The following RFX3 variants were observed in gnomAD, a reference collection of about 807,000 sequenced individuals.
The protein encoded by RFX3 is regulatory factor X3.
RFX3 carries 14 observed loss-of-function variants against 98.6 expected under a neutral mutation model. The ratio of observed to expected loss-of-function variants is 0.14; its 90% CI spans 0.09 to 0.22. The LOEUF (loss-of-function observed/expected upper bound fraction) is 0.22, where lower values mean the gene tolerates loss of function less well. Ranked by LOEUF, RFX3 falls within the 10% of genes least tolerant of loss-of-function variation. The probability of loss-of-function intolerance (pLI) is 1.00; values close to 1 mark genes in which losing one functional copy is unlikely to be tolerated. For missense variants in RFX3, 639 were observed against 926.9 expected, an observed-to-expected ratio of 0.69 and a Z score of 4.03; for synonymous variants, 383 against 328.4, an observed-to-expected ratio of 1.17 and a Z score of -1.80.
intron 1 of RFX3, among the ~76,000 whole-genome samples, chr9:3,497,688 T>A (rs1204649710): frequency 2.7e-5 from 4 of 149,858 alleles, no homozygotes; most frequent in African/African-American, 1.0e-4. Context: ...CTGACAAACA[T>A]CTCTACCTCA....
intron 1 of RFX3, among the ~76,000 whole-genome samples, chr9:3,416,758 A>T (rs1843020846): frequency 1.3e-5 from 2 of 152,212 alleles, no homozygotes; most frequent in African/African-American, 4.8e-5. Flanking sequence ...GTCAATTAAC[A>T]ACATAAAATG....
chr9:3,525,926 A>AAG lies in RFX3; in HGVS notation c.-190_-189dup, dbSNP rs1189123449. ...AGGCAACGGTTGCTATAACTCACAA[A>AAG]AGAGAGAGAGAGAGGGAGAGAGAGA... On this transcript the variant is annotated 5_prime_UTR_variant, in exon 1 of 17. Transcript: ENST00000617270. The AAG allele has an allele frequency of 4.2e-4, 401 of 955,666 alleles. 1 individual carries two copies. Among genetic ancestry groups the AAG allele is most frequent in the Admixed American group, 2.7e-3 (43 of 15,846 alleles). 59.2% of individuals were successfully genotyped at this position (955,666 alleles called of 1,614,324 possible). A position where few individuals can be genotyped will look rare whatever the true frequency, so the allele number is the denominator to read the frequency against.
intron 2 of RFX3, among the ~76,000 whole-genome samples, chr9:3,378,689 TA>T (rs928729470): frequency 6.6e-6 from 1 of 151,578 alleles, no homozygotes. Context: ...CCCAAGTAGC[TA>T]GGGTTACAGG....
intron 4 of RFX3, among the ~76,000 whole-genome samples, chr9:3,305,962 A>T (rs1586962486): frequency 1.3e-5 from 2 of 152,142 alleles, no homozygotes; most frequent in Non-Finnish European, 2.9e-5. Flanking sequence ...AACTGGTAAG[A>T]TCACATGCTT....
chr9:3,467,305 A>AAT (rs1396713067), intron 1 of RFX3, among the ~76,000 whole-genome samples: 1 of 146,044 alleles, frequency 6.8e-6, no homozygotes, highest in Admixed American at 6.9e-5. Flanking sequence ...CACACACACA[A>AAT]ATATATATAT....
intron 11 of RFX3, among the ~76,000 whole-genome samples, chr9:3,268,210 G>A (rs1035478985): frequency 4.6e-5 from 7 of 151,710 alleles, no homozygotes; most frequent in African/African-American, 1.7e-4. Flanking sequence ...CATTAAATTA[G>A]TGTGATGTGC....
intron 2 of RFX3, among the ~76,000 whole-genome samples, chr9:3,356,165 G>GAAGC (rs1835732700): frequency 7.0e-6 from 1 of 143,160 alleles, no homozygotes. Flanking sequence ...TGGAAGGAAG[G>GAAGC]AAGGAAGGAA....
At chr9:3,508,416 ATAT>A (rs1421599979) in intron 1 of RFX3, among the ~76,000 whole-genome samples, 3 of 151,960 alleles carry the variant, frequency 2.0e-5, no homozygotes, top group African/African-American at 7.2e-5. Flanking sequence ...ATCTAAAAGT[ATAT>A]TATTTAGATC....
chr9:3,381,932 G>A (rs1245672450), intron 2 of RFX3, among the ~76,000 whole-genome samples: 1 of 151,952 alleles, frequency 6.6e-6, no homozygotes, highest in East Asian at 1.9e-4. Flanking sequence ...TTTTTTGTTT[G>A]TTTGTTTGTT....
intron 2 of RFX3, among the ~76,000 whole-genome samples, chr9:3,377,719 G>C (rs367763284): frequency 3.9e-5 from 6 of 152,090 alleles, no homozygotes. Flanking sequence ...GGAGAGGAAA[G>C]GTACTAATAA....
intron 1 of RFX3, among the ~76,000 whole-genome samples, chr9:3,402,455 T>G (rs886722096): frequency 1.3e-5 from 2 of 152,094 alleles, no homozygotes; most frequent in African/African-American, 4.8e-5. Flanking sequence ...GATAGTTACT[T>G]AATGGGTATA....
intron 1 of RFX3, among the ~76,000 whole-genome samples, chr9:3,443,166 C>A (rs1350083862): frequency 6.6e-6 from 1 of 152,168 alleles, no homozygotes; most frequent in Non-Finnish European, 1.5e-5. Context: ...AAAGAAACCA[C>A]TACACATCCA....
At chr9:3,348,656 G>T (rs542111674) in intron 2 of RFX3, among the ~76,000 whole-genome samples, 2 of 151,974 alleles carry the variant, frequency 1.3e-5, no homozygotes, top group Non-Finnish European at 2.9e-5. Context: ...TACTGAAAAT[G>T]ACTTTATCCC....
intron 14 of RFX3, among the ~76,000 whole-genome samples, chr9:3,256,043 T>C (rs1044336975): frequency 6.6e-6 from 1 of 152,154 alleles, no homozygotes; most frequent in African/African-American, 2.4e-5. Context: ...CTCGGCTCAC[T>C]GCAAGCTCCG....
intron 3 of RFX3, among the ~76,000 whole-genome samples, chr9:3,334,778 T>C (rs77104497): frequency 1.4e-4 from 21 of 152,110 alleles, no homozygotes; most frequent in African/African-American, 4.3e-4. Context: ...CAGTTGGAAA[T>C]GGGGGAGACT....
At chr9:3,475,092 CCT>C (rs1849112243) in intron 1 of RFX3, among the ~76,000 whole-genome samples, 2 of 141,614 alleles carry the variant, frequency 1.4e-5, no homozygotes, top group African/African-American at 5.9e-5. Context: ...AGAGCAAGAC[CCT>C]GTCTCCAAAA....
At chr9:3,383,740 C>A (rs900919505) in intron 2 of RFX3, among the ~76,000 whole-genome samples, 18 of 152,126 alleles carry the variant, frequency 1.2e-4, no homozygotes, top group African/African-American at 4.1e-4. Context: ...GATGTCAACA[C>A]AAGTTTTGTT....
chr9:3,448,767 A>C (rs1587708303), intron 1 of RFX3, among the ~76,000 whole-genome samples: 1 of 152,160 alleles, frequency 6.6e-6, no homozygotes, highest in Non-Finnish European at 1.5e-5. Flanking sequence ...TGATCTTTCC[A>C]CCTTGACCTC....
intron 1 of RFX3, among the ~76,000 whole-genome samples, chr9:3,399,849 TGCA>T (rs1413299968): frequency 6.6e-6 from 1 of 151,214 alleles, no homozygotes; most frequent in African/African-American, 2.4e-5. Context: ...CTCAGGAGGC[TGCA>T]GCAGGAGAGT....
Sources: gnomAD v4.1 joint callset for allele counts (sites outside exome capture counted in the v4.1 genomes callset) on GRCh38, gnomAD v4.1.1 for gene constraint, MANE v1.5 for transcripts, NCBI Gene and HGNC (gene_info 2026-07-23, HGNC 2026-07-21) for gene names.